Variants in RHAG observed in about 807,000 individuals in gnomAD.
RHAG encodes Rh associated glycoprotein.
RHAG carries 25 observed loss-of-function variants against 42.4 expected under a neutral mutation model. That is an observed-to-expected ratio of 0.59 (90% CI 0.43 to 0.82). The LOEUF (loss-of-function observed/expected upper bound fraction) is 0.82. RHAG is among the 40% of genes least tolerant of loss of function. The probability of loss-of-function intolerance (pLI) is 0.00; values close to 1 mark genes in which losing one functional copy is unlikely to be tolerated. For synonymous variants in RHAG, 182 were observed against 177.7 expected, an observed-to-expected ratio of 1.02 and a Z score of -0.19; for missense variants, 483 against 504.6, an observed-to-expected ratio of 0.96 and a Z score of 0.41.
At chr6:49,623,695 GC>G (rs1227426899) in intron 1 of RHAG, among the ~76,000 whole-genome samples, 1 of 152,208 alleles carries the variant, frequency 6.6e-6, no homozygotes, top group Non-Finnish European at 1.5e-5. Flanking sequence ...TAGGGATGCT[GC>G]CAAACTTGCT....
intron 4 of RHAG, chr6:49,615,312 T>G (rs1762636353): frequency 3.6e-6 from 1 of 275,972 alleles, no homozygotes; most frequent in South Asian, 4.8e-5. Flanking sequence ...TATCTACAGT[T>G]AAGAGAAAAG....
At chr6:49,616,923 C>G (rs923258507) in intron 3 of RHAG, among the ~76,000 whole-genome samples, 1 of 152,172 alleles carries the variant, frequency 6.6e-6, no homozygotes. Context: ...ATTAATCATG[C>G]TTGGACTTTC....
At chr6:49,614,994 C>G (rs1762630292) in intron 4 of RHAG, 141 bp from the exon 5 acceptor site, 2 of 803,478 alleles carry the variant, frequency 2.5e-6, no homozygotes, top group Non-Finnish European at 4.0e-6. Context: ...GTCACCCAGG[C>G]TGGAGTGCAG....
At chr6:49,607,576 A>T (rs1481951574) in intron 7 of RHAG, among the ~76,000 whole-genome samples, 1 of 152,202 alleles carries the variant, frequency 6.6e-6, no homozygotes, top group Non-Finnish European at 1.5e-5. Context: ...CTAGGAACAG[A>T]GGATAGAGTA....
chr6:49,617,851 A>G (rs983376236), intron 3 of RHAG, among the ~76,000 whole-genome samples: 1 of 152,206 alleles, frequency 6.6e-6, no homozygotes, highest in Non-Finnish European at 1.5e-5. Flanking sequence ...AATAAAAATA[A>G]TACGTACAAT....
At chr6:49,622,846 T>G (rs867546162) in intron 1 of RHAG, among the ~76,000 whole-genome samples, 16 of 150,470 alleles carry the variant, frequency 1.1e-4, no homozygotes, top group Non-Finnish European at 1.6e-4. Context: ...TTTTTTTTGT[T>G]TTGTTTTGAG....
At chr6:49,615,575 T>A (rs375191455) in intron 4 of RHAG, 49 bp downstream of exon 4, 1 of 1,605,578 alleles carries the variant, frequency 6.2e-7, no homozygotes, top group Non-Finnish European at 8.5e-7. Context: ...TAACCTTCTC[T>A]GGTGCCTTTT....
At chr6:49,623,281 C>T (rs1762794191) in intron 1 of RHAG, among the ~76,000 whole-genome samples, 1 of 152,158 alleles carries the variant, frequency 6.6e-6, no homozygotes, top group Non-Finnish European at 1.5e-5. Context: ...TTAATGAGAG[C>T]TTAAAAGTTG....
chr6:49,621,164 C>A (rs540529937), intron 1 of RHAG, among the ~76,000 whole-genome samples: 5 of 152,314 alleles, frequency 3.3e-5, no homozygotes, highest in African/African-American at 9.6e-5. Context: ...TGGTACACTA[C>A]TCAGGCTTGT....
chr6:49,614,799 G>A lies in RHAG; in HGVS notation c.695C>T (p.Pro232Leu), dbSNP rs771118052. Residue 232 changes from proline (P) to leucine (L), a missense_variant, in exon 5 of 10, where the codon CCT (proline) becomes CTT (leucine). Physicochemically the swap from Pro to Leu is moderately conservative, Grantham distance 98. Transcript: ENST00000371175. ...WPSFNSAIAE[P>L]GDKQCRAIVN... is the part of the protein sequence containing the mutation. ...AATGGCCCTGCACTGTTTGTCTCCAGGTTCAGCAATGGCCGAGTTAAAGCT... is the reference window on the plus strand; with the variant it reads ...AATGGCCCTGCACTGTTTGTCTCCAAGTTCAGCAATGGCCGAGTTAAAGCT... 7 of 1,614,058 alleles carry A rather than the reference G, an allele frequency of 4.3e-6. No individual in the cohort carries two copies. The highest frequency in any genetic ancestry group is 8.5e-7 in the Non-Finnish European group (1 of 1,180,036).
chr6:49,628,073 T>C (rs1009513863), intron 1 of RHAG, among the ~76,000 whole-genome samples: 22 of 152,006 alleles, frequency 1.4e-4, no homozygotes, highest in African/African-American at 4.6e-4. Context: ...TAGATATGTA[T>C]ATATGCCAGC....
At chr6:49,608,387 CCTCTTTTTTTTGAGACGGAGTCTCG>C (rs1217319922) in intron 7 of RHAG, among the ~76,000 whole-genome samples, 1 of 152,086 alleles carries the variant, frequency 6.6e-6, no homozygotes, top group African/African-American at 2.4e-5. Context: ...GCTACATATA[CCTCTTTTTTTTGAGACGGAGTCTCG>C]CTCTGTTGCC....
At chr6:49,624,006 T>G (rs1250742472) in intron 1 of RHAG, among the ~76,000 whole-genome samples, 3 of 152,092 alleles carry the variant, frequency 2.0e-5, no homozygotes, top group Non-Finnish European at 4.4e-5. Flanking sequence ...TGCTGCCCCC[T>G]GAGATCATAG....
chr6:49,627,689 T>A (rs905391777), intron 1 of RHAG, among the ~76,000 whole-genome samples: 7 of 152,186 alleles, frequency 4.6e-5, no homozygotes, highest in African/African-American at 1.4e-4. Context: ...CAGTTCCACA[T>A]GGCTGGGGAG....
intron 5 of RHAG, among the ~76,000 whole-genome samples, chr6:49,614,458 T>C (rs1436974695): frequency 2.0e-5 from 3 of 151,976 alleles, no homozygotes; most frequent in Non-Finnish European, 4.4e-5. Flanking sequence ...TGTCTAGGCC[T>C]CCCAAAGTGC....
At chr6:49,626,838 G>T (rs948149322) in intron 1 of RHAG, among the ~76,000 whole-genome samples, 10 of 152,226 alleles carry the variant, frequency 6.6e-5, no homozygotes, top group African/African-American at 2.4e-4. Context: ...TGACTTCTGT[G>T]CTCCCACAGT....
chr6:49,628,909 C>T (rs1356427446), intron 1 of RHAG, among the ~76,000 whole-genome samples: 1 of 152,160 alleles, frequency 6.6e-6, no homozygotes, highest in Non-Finnish European at 1.5e-5. Flanking sequence ...AAAGCTTCCA[C>T]ATTGTGGAAG....
At chr6:49,628,131 G>T (rs959146219) in intron 1 of RHAG, among the ~76,000 whole-genome samples, 1 of 104,444 alleles carries the variant, frequency 9.6e-6, no homozygotes, top group African/African-American at 4.0e-5. Context: ...CTTTGTGTGT[G>T]TGAGACACAC....
chr6:49,635,846 T>C (rs1005331462), intron 1 of RHAG, among the ~76,000 whole-genome samples: 2 of 152,156 alleles, frequency 1.3e-5, no homozygotes, highest in African/African-American at 2.4e-5. Context: ...TTTTAAATAA[T>C]TTTTAAATTT....
Sources: gnomAD v4.1 joint callset for allele counts (sites outside exome capture counted in the v4.1 genomes callset) on GRCh38, gnomAD v4.1.1 for gene constraint, MANE v1.5 for transcripts, NCBI Gene and HGNC (gene_info 2026-07-23, HGNC 2026-07-21) for gene names.